Variants in TNS3 observed in about 807,000 individuals in gnomAD.
The protein encoded by TNS3 is tensin-3.
A neutral mutation model predicts 140.9 loss-of-function variants in TNS3; 45 were observed. The ratio of observed to expected loss-of-function variants is 0.32; its 90% CI spans 0.25 to 0.41. The LOEUF (loss-of-function observed/expected upper bound fraction) is 0.41, where lower values mean the gene tolerates loss of function less well. Ranked by LOEUF, TNS3 falls within the 10% of genes least tolerant of loss-of-function variation. The pLI is 1.00. For synonymous variants in TNS3, 815 were observed against 788.4 expected, an observed-to-expected ratio of 1.03 and a Z score of -0.56; for missense variants, 1,716 against 1,906.7, an observed-to-expected ratio of 0.90 and a Z score of 1.86.
intron 20 of TNS3, among the ~76,000 whole-genome samples, chr7:47,321,461 C>T (rs7801107): frequency 0.38 from 57,771 of 152,130 alleles, 11,038 homozygotes; most frequent in South Asian, 0.47. Flanking sequence ...ACCAGCACTA[C>T]TGAAATGCCA....
intron 4 of TNS3, among the ~76,000 whole-genome samples, chr7:47,445,980 A>T (rs569172438): frequency 5.5e-4 from 84 of 152,382 alleles, no homozygotes; most frequent in Non-Finnish European, 1.0e-3. Flanking sequence ...CTAACTTGCT[A>T]TAGGTTATAT....
chr7:47,500,931 A>T (rs570012971), intron 3 of TNS3, among the ~76,000 whole-genome samples: 2 of 151,600 alleles, frequency 1.3e-5, no homozygotes, highest in African/African-American at 4.8e-5. Context: ...AATAAAAATT[A>T]AAAAAAAATA....
At chr7:47,344,065 A>C (rs1369010119) in intron 20 of TNS3, among the ~76,000 whole-genome samples, 1 of 152,166 alleles carries the variant, frequency 6.6e-6, no homozygotes, top group Non-Finnish European at 1.5e-5. Flanking sequence ...AGCGTAATGA[A>C]CGAAACTCCC....
intron 2 of TNS3, among the ~76,000 whole-genome samples, chr7:47,528,754 C>A (rs1273652441): frequency 6.6e-6 from 1 of 152,188 alleles, no homozygotes; most frequent in African/African-American, 2.4e-5. Flanking sequence ...GTTACTGACA[C>A]TTCAGAGCAG....
rs757441459 is a variant in TNS3 at position 47,369,505 on chromosome 7, C to G, written c.1141G>C (p.Asp381His). 6.2e-7 allele frequency: 1 copy of G among 1,614,100 alleles called. No homozygotes were observed. The highest frequency in any genetic ancestry group is 1.1e-5 in the South Asian group (1 of 91,078). ...PQAIPATNSP[D>H]HSDHTLSVSS... ...ACAGACAAGGTGTGGTCACTGTGGTCTGGGCTGTTGGTGGCCGGGATTGCC... is the reference window on the plus strand; with the variant it reads ...ACAGACAAGGTGTGGTCACTGTGGTGTGGGCTGTTGGTGGCCGGGATTGCC... Residue 381 changes from aspartate (D) to histidine (H), a missense_variant, in exon 17 of 31, where the codon GAC (aspartate) becomes CAC (histidine). Asp to His is a moderately conservative substitution (Grantham distance 81). Coordinates refer to ENST00000311160, the MANE Select transcript of TNS3 (RefSeq NM_022748.12).
chr7:47,275,850 C>T lies in TNS3; in HGVS notation c.*2226G>A, dbSNP rs1784848312. On this transcript the variant is annotated 3_prime_UTR_variant, in exon 31 of 31. Transcript: ENST00000311160. ...CTTCCTGAATGCCGTCGAGGCATGG[C>T]TTCATGAGGGCCATCGCGGGCACCC... 2.2e-6 allele frequency: 1 copy of T among 455,974 alleles called. No individual in the cohort carries two copies. Among genetic ancestry groups the T allele is most frequent in the Non-Finnish European group, 4.4e-6 (1 of 226,810 alleles). 28.2% of individuals were successfully genotyped at this position (455,974 alleles called of 1,614,324 possible).
At chr7:47,351,190 T>A (rs1175798285) in intron 17 of TNS3, among the ~76,000 whole-genome samples, 1 of 152,244 alleles carries the variant, frequency 6.6e-6, no homozygotes, top group Non-Finnish European at 1.5e-5. Flanking sequence ...GTTCTAATTT[T>A]GCATTAGTAT....
At chr7:47,472,663 G>A (rs1232712272) in intron 4 of TNS3, among the ~76,000 whole-genome samples, 3 of 152,156 alleles carry the variant, frequency 2.0e-5, no homozygotes, top group Non-Finnish European at 4.4e-5. Flanking sequence ...GAAGGCGCAG[G>A]TGAGCCATGG....
intron 17 of TNS3, among the ~76,000 whole-genome samples, chr7:47,364,904 G>A (rs769723967): frequency 9.9e-5 from 15 of 152,176 alleles, no homozygotes; most frequent in African/African-American, 1.4e-4. Context: ...CTGGTAACCA[G>A]TTTTGCTTAT....
intron 17 of TNS3, among the ~76,000 whole-genome samples, chr7:47,362,368 C>A (rs1790384095): frequency 1.3e-5 from 2 of 152,022 alleles, no homozygotes; most frequent in Admixed American, 1.3e-4. Flanking sequence ...GTGGGCAGGG[C>A]TACTCTACAC....
chr7:47,530,335 G>A (rs569859296), intron 1 of TNS3, among the ~76,000 whole-genome samples: 1 of 152,264 alleles, frequency 6.6e-6, no homozygotes, highest in Non-Finnish European at 1.5e-5. Flanking sequence ...CCAACGCAAA[G>A]CACACAGAGA....
At chr7:47,564,228 G>A (rs962259399) in intron 1 of TNS3, among the ~76,000 whole-genome samples, 10 of 151,046 alleles carry the variant, frequency 6.6e-5, no homozygotes, top group Non-Finnish European at 1.2e-4. Flanking sequence ...TTAAATCAGT[G>A]GACTTTGAAT....
chr7:47,493,057 C>A (rs1190969189), intron 3 of TNS3, among the ~76,000 whole-genome samples: 4 of 152,228 alleles, frequency 2.6e-5, no homozygotes, highest in South Asian at 2.1e-4. Context: ...GCCCTGGCTT[C>A]CACTGACCTG....
chr7:47,409,532 G>A (rs550049530), intron 13 of TNS3, among the ~76,000 whole-genome samples: 1 of 152,334 alleles, frequency 6.6e-6, no homozygotes, highest in East Asian at 1.9e-4. Context: ...ACTCATCACT[G>A]AAGACCTGGT....
intron 10 of TNS3, among the ~76,000 whole-genome samples, chr7:47,420,969 C>G (rs1173853771): frequency 6.6e-6 from 1 of 152,120 alleles, no homozygotes; most frequent in Non-Finnish European, 1.5e-5. Flanking sequence ...CTTCCCTTTA[C>G]CTCAAAGGGA....
At chr7:47,438,039 AAATAATAAT>A (rs56039512) in intron 6 of TNS3, among the ~76,000 whole-genome samples, 34,711 of 147,602 alleles carry the variant, frequency 0.24, 4,735 homozygotes, top group Non-Finnish European at 0.3. Context: ...TTCAAAATGA[AAATAATAAT>A]AATAATAATA....
At chr7:47,291,928 T>G (rs778265302) in intron 27 of TNS3, 27 bp downstream of exon 27, 16 of 1,612,358 alleles carry the variant, frequency 9.9e-6, no homozygotes, top group Middle Eastern at 1.6e-4. Flanking sequence ...AGTCACCAGA[T>G]GTAGAAATGG....
At chr7:47,280,608 G>C (rs1263867120) in intron 28 of TNS3, among the ~76,000 whole-genome samples, 1 of 152,190 alleles carries the variant, frequency 6.6e-6, no homozygotes, top group Non-Finnish European at 1.5e-5. Flanking sequence ...TGGAAGGCGG[G>C]AATCGGGTCA....
chr7:47,581,757 GCAAACCCCGTACCCGCGCGCAC>G (rs1252489454), intron 1 of TNS3: 1 of 137,304 alleles, frequency 7.3e-6, no homozygotes, highest in Non-Finnish European at 1.6e-5. Flanking sequence ...CCCACGCGCC[GCAAACCCCGTACCCGCGCGCAC>G]CAAACCCCTT....
Sources: gnomAD v4.1 joint callset for allele counts (sites outside exome capture counted in the v4.1 genomes callset) on GRCh38, gnomAD v4.1.1 for gene constraint, MANE v1.5 for transcripts, NCBI Gene and HGNC (gene_info 2026-07-23, HGNC 2026-07-21) for gene names.